ZNF562: variants seen among roughly 807,000 people sequenced by gnomAD.
ZNF562 encodes the protein zinc finger protein 562.
ZNF562 carries 13 observed loss-of-function variants against 17.5 expected under a neutral mutation model. The ratio of observed to expected loss-of-function variants is 0.74; its 90% CI spans 0.48 to 1.18. ZNF562 has a LOEUF of 1.18. Ranked by LOEUF, ZNF562 falls within the 50% of genes most tolerant of loss-of-function variation. The pLI, the probability that ZNF562 is intolerant of heterozygous loss-of-function variation, is 0.00. For missense variants in ZNF562, 481 were observed against 498.5 expected, an observed-to-expected ratio of 0.96 and a Z score of 0.33; for synonymous variants, 163 against 165.4, an observed-to-expected ratio of 0.99 and a Z score of 0.11.
chr19:9,653,843 A>T lies in ZNF562; in HGVS notation c.387T>A (p.Asn129Lys). The T allele has an allele frequency of 6.3e-7, 1 of 1,599,512 alleles. No individual in the cohort carries two copies. Among genetic ancestry groups the T allele is most frequent in the Non-Finnish European group, 8.5e-7 (1 of 1,173,188 alleles). Reference protein sequence around the residue: ...RSYSGWKLCENCGEVFSEQFC... With the variant: ...RSYSGWKLCEKCGEVFSEQFC... ...ACTGTTCACTGAAGACCTCTCCACA[A>T]TTCTCACAGAGTTTCCATCCACTGT... Residue 129 changes from asparagine to lysine, a missense_variant, in exon 6 of 6, where the codon AAT (asparagine) becomes AAA (lysine). Coordinates refer to ENST00000453372, the MANE Select transcript of ZNF562 (RefSeq NM_001130031.2).
intron 5 of ZNF562, among the ~76,000 whole-genome samples, chr19:9,654,537 C>T (rs553105188): frequency 5.3e-5 from 8 of 152,246 alleles, no homozygotes; most frequent in African/African-American, 1.9e-4. Context: ...TTTCGGCTCA[C>T]TGCAACCTCC....
At chr19:9,668,921 AGAATAAAACTAGATGCCATCTCTCAGCAT>A (rs1186685355) in intron 1 of ZNF562, among the ~76,000 whole-genome samples, 1 of 152,026 alleles carries the variant, frequency 6.6e-6, no homozygotes, top group Non-Finnish European at 1.5e-5. Flanking sequence ...AACCATATGC[AGAATAAAACTAGATGCCATCTCTCAGCAT>A]AAAAAAAAAA....
At chr19:9,656,198 TGA>T (rs1034069792) in intron 5 of ZNF562, among the ~76,000 whole-genome samples, 39 of 152,298 alleles carry the variant, frequency 2.6e-4, no homozygotes, top group African/African-American at 9.4e-4. Flanking sequence ...CAATCTTTTC[TGA>T]GAGAGGAAAT....
chr19:9,663,636 G>A (rs1282781746), intron 1 of ZNF562, among the ~76,000 whole-genome samples: 1 of 151,898 alleles, frequency 6.6e-6, no homozygotes, highest in Non-Finnish European at 1.5e-5. Context: ...CTAGACTGCA[G>A]TAGCACGATT....
At chr19:9,659,700 A>T (rs1244304750) in intron 2 of ZNF562, among the ~76,000 whole-genome samples, 1 of 151,986 alleles carries the variant, frequency 6.6e-6, no homozygotes. Flanking sequence ...TTTCAAGGAA[A>T]CTTACACCCT....
At position 9,644,868 on chromosome 19, in the gene ZNF562, G is replaced by A. The variant is rs2074796302; in HGVS notation, c.*8081C>T. ...AAGATGACATTTGGGTGGGGACACA[G>A]CCAAACCATATCAGCTGGCAACTTG... On this transcript the variant is annotated 3_prime_UTR_variant, in exon 6 of 6. Coordinates refer to ENST00000453372, the MANE Select transcript of ZNF562 (RefSeq NM_001130031.2). The A allele has an allele frequency of 6.6e-6, 1 of 152,192 alleles. No individual in the cohort carries two copies. The highest frequency in any genetic ancestry group is 6.6e-5 in the Admixed American group (1 of 15,262). 9.4% of individuals were successfully genotyped at this position (152,192 alleles called of 1,614,324 possible).
intron 1 of ZNF562, among the ~76,000 whole-genome samples, chr19:9,674,132 C>T (rs2044311048): frequency 6.6e-6 from 1 of 152,186 alleles, no homozygotes; most frequent in Non-Finnish European, 1.5e-5. Flanking sequence ...GGTTAGACCC[C>T]ACAGGCTAAA....
At chr19:9,669,723 C>T (rs1213600879) in intron 1 of ZNF562, among the ~76,000 whole-genome samples, 96 of 79,838 alleles carry the variant, frequency 1.2e-3, no homozygotes, top group African/African-American at 3.0e-3. Context: ...CGCGAGCGCG[C>T]GCGCGCGCGC....
intron 4 of ZNF562, among the ~76,000 whole-genome samples, chr19:9,657,421 G>A (rs566477253): frequency 2.6e-4 from 39 of 148,850 alleles, no homozygotes; most frequent in African/African-American, 9.4e-4. Context: ...AAAACCAAAA[G>A]CAAAACAAAC....
At chr19:9,654,032 C>T (rs1244505248) in intron 5 of ZNF562, 151 bp from the exon 6 acceptor site, 4 of 974,274 alleles carry the variant, frequency 4.1e-6, no homozygotes, top group Non-Finnish European at 5.6e-6. Flanking sequence ...GTTCTATCTC[C>T]CAGTCTACAG....
intron 5 of ZNF562, among the ~76,000 whole-genome samples, chr19:9,656,081 T>TTGAA (rs2043471692): frequency 6.6e-6 from 1 of 152,140 alleles, no homozygotes; most frequent in South Asian, 2.1e-4. Flanking sequence ...TAGGCTGGTC[T>TTGAA]TGAACTCCTG....
intron 1 of ZNF562, among the ~76,000 whole-genome samples, chr19:9,668,508 TAGA>T (rs1257702146): frequency 2.0e-5 from 3 of 152,164 alleles, no homozygotes; most frequent in African/African-American, 7.2e-5. Flanking sequence ...GCTCATGGAT[TAGA>T]AGAATATTGT....
Position 9,642,528 on chromosome 19 carries a change from T to C in ZNF562, c.*10421A>G, listed in dbSNP as rs1017405392. The C allele has an allele frequency of 5.9e-5, 9 of 152,040 alleles. No homozygotes were observed. The highest frequency in any genetic ancestry group is 2.2e-4 in the African/African-American group (9 of 41,410). 9.4% of individuals were successfully genotyped at this position (152,040 alleles called of 1,614,324 possible). On this transcript the variant is annotated 3_prime_UTR_variant, in exon 6 of 6. Coordinates refer to ENST00000453372, the MANE Select transcript of ZNF562 (RefSeq NM_001130031.2). ...CTGAGCTCAAGCGATCATCCTTCCT[T>C]GGCCTCCCACATTGTTGGCATTACA...
chr19:9,656,871 A>AAAATATATATATATATATATATAT (rs376933513), intron 4 of ZNF562, among the ~76,000 whole-genome samples: 11 of 142,442 alleles, frequency 7.7e-5, no homozygotes, highest in African/African-American at 2.8e-4. Context: ...AAAATACAAA[A>AAAATATATATATATATATATATAT]ATATATATAT....
Position 9,645,140 on chromosome 19 carries a change from C to G in ZNF562, c.*7809G>C, listed in dbSNP as rs1568250480. ...TCAGCTCACTGTAACCTCCACCTCC[C>G]AGGTTGAAGTGATTCTCCCATCTCA... On this transcript the variant is annotated 3_prime_UTR_variant, in exon 6 of 6. Coordinates refer to ENST00000453372, the MANE Select transcript of ZNF562 (RefSeq NM_001130031.2). 6.6e-6 allele frequency: 1 copy of G among 152,018 alleles called. No homozygotes were observed. Among genetic ancestry groups the G allele is most frequent in the Admixed American group, 6.6e-5 (1 of 15,242 alleles). The allele number at this position is 152,018 out of a possible 1,614,324, so 9.4% of individuals were successfully genotyped here. A position where few individuals can be genotyped will look rare whatever the true frequency, so the allele number is the denominator to read the frequency against.
rs1404062379 is a variant in ZNF562 at position 9,646,434 on chromosome 19, T to C, written c.*6515A>G. ...AAAAGACACATTTTTTTAAAAAGCA[T>C]ACAGAAAGACTAAGAAGTAGAGGAA... On this transcript the variant is annotated 3_prime_UTR_variant, in exon 6 of 6. Transcript: ENST00000453372. 6.6e-6 allele frequency: 1 copy of C among 152,130 alleles called. No individual in the cohort carries two copies. The highest frequency in any genetic ancestry group is 1.5e-5 in the Non-Finnish European group (1 of 68,016). The allele number at this position is 152,130 out of a possible 1,614,324, so 9.4% of individuals were successfully genotyped here.
At chr19:9,655,821 G>A (rs202209189) in intron 5 of ZNF562, among the ~76,000 whole-genome samples, 91 of 136,558 alleles carry the variant, frequency 6.7e-4, no homozygotes, top group East Asian at 3.8e-3. Flanking sequence ...CAGCAACCTC[G>A]GCCTCTGGGT....
Position 9,657,961 on chromosome 19 carries a change from G to A in ZNF562, c.241+48C>T, listed in dbSNP as rs983255453. 3.8e-6 allele frequency: 6 copies of A among 1,577,766 alleles called. No homozygotes were observed. The African/African-American group carries it at 8.1e-5, about 21-fold the overall frequency. On this transcript the variant is annotated intron_variant, in intron 4 of 5. Transcript: ENST00000453372. ...CCACCTCAGCCTCCCAAGTATCTGG[G>A]ACTACAGGTGCAGGCCACCATGCCA...
chr19:9,645,999 T>C lies in ZNF562; in HGVS notation c.*6950A>G, dbSNP rs2074803723. The stretch of plus-strand genomic sequence containing the variant: ...GATGCTAGAAATTAATCCAAATTAT[T>C]ACTAATTAAATGTCAGGCACTAAAT... On this transcript the variant is annotated 3_prime_UTR_variant, in exon 6 of 6. Coordinates refer to ENST00000453372, the MANE Select transcript of ZNF562 (RefSeq NM_001130031.2). 1.3e-5 allele frequency: 2 copies of C among 151,414 alleles called. No individual in the cohort carries two copies. Among genetic ancestry groups the C allele is most frequent in the South Asian group, 2.1e-4 (1 of 4,822 alleles). 9.4% of individuals were successfully genotyped at this position (151,414 alleles called of 1,614,324 possible).
Sources: allele counts gnomAD v4.1 joint callset (sites outside exome capture counted in the v4.1 genomes callset), GRCh38; gene constraint gnomAD v4.1.1; transcripts MANE v1.5; gene names NCBI Gene and HGNC (gene_info 2026-07-23, HGNC 2026-07-21).